DPYS: variants seen among roughly 807,000 people sequenced by gnomAD.
DPYS encodes the protein dihydropyrimidine amidohydrolase.
In DPYS, 39 loss-of-function variants were observed where a neutral mutation model predicts 50.3. The ratio of observed to expected loss-of-function variants is 0.78; its 90% CI spans 0.60 to 1.01. DPYS has a LOEUF of 1.01. DPYS is among the 50% of genes least tolerant of loss of function. The pLI is 0.00. For missense variants in DPYS, 659 were observed against 680.9 expected (o/e 0.97, Z 0.36); for synonymous variants, 245 against 250.7 (o/e 0.98, Z 0.22).
chr8:104,385,315 T>C (rs1275859388), intron 8 of DPYS, among the ~76,000 whole-genome samples: 1 of 152,228 alleles, frequency 6.6e-6, no homozygotes, highest in African/African-American at 2.4e-5. Context: ...GGGAGATTTC[T>C]TGACTATAGG....
intron 6 of DPYS, among the ~76,000 whole-genome samples, chr8:104,425,795 C>A (rs934404853): frequency 2.0e-5 from 3 of 151,952 alleles, no homozygotes; most frequent in Non-Finnish European, 4.4e-5. Flanking sequence ...GGGGTTTATC[C>A]CTATTTATAT....
At chr8:104,390,889 A>G (rs1811365221) in intron 8 of DPYS, among the ~76,000 whole-genome samples, 1 of 152,138 alleles carries the variant, frequency 6.6e-6, no homozygotes, top group African/African-American at 2.4e-5. Flanking sequence ...TGCATTCAGT[A>G]AGCACTCACT....
intron 4 of DPYS, among the ~76,000 whole-genome samples, chr8:104,431,529 A>G (rs982067835): frequency 1.3e-5 from 2 of 151,984 alleles, no homozygotes; most frequent in Non-Finnish European, 2.9e-5. Flanking sequence ...GGCATTTTCA[A>G]AGGACTAAAA....
At chr8:104,426,642 A>G (rs971713731) in intron 6 of DPYS, among the ~76,000 whole-genome samples, 1 of 152,180 alleles carries the variant, frequency 6.6e-6, no homozygotes, top group Non-Finnish European at 1.5e-5. Flanking sequence ...CATTTGAGGG[A>G]GGCATCCTAG....
At chr8:104,408,818 G>GTT (rs548411409) in intron 7 of DPYS, among the ~76,000 whole-genome samples, 58 of 143,496 alleles carry the variant, frequency 4.0e-4, no homozygotes, top group East Asian at 8.2e-4. Flanking sequence ...TTTTTTGTTT[G>GTT]TTTTTTTTTT....
intron 8 of DPYS, among the ~76,000 whole-genome samples, chr8:104,384,948 C>T (rs56019143): frequency 0.066 from 10,018 of 152,244 alleles, 401 homozygotes; most frequent in African/African-American, 0.1. Flanking sequence ...TCTTCTCCTC[C>T]ACCTCTGAAG....
At chr8:104,440,294 C>CTTTTTTTTTTTTTTTTTTTTTTTT (rs1564105066) in intron 4 of DPYS, among the ~76,000 whole-genome samples, 2 of 152,068 alleles carry the variant, frequency 1.3e-5, no homozygotes, top group African/African-American at 4.8e-5. Flanking sequence ...AATTGGATCT[C>CTTTTTTTTTTTTTTTTTTTTTTTT]CTTTGTGCCT....
rs749500473 is a variant in DPYS, at chr8:104,424,387, A to G, written c.1095T>C (p.His365=). The G allele has an allele frequency of 1.2e-6, 2 of 1,613,530 alleles. No individual in the cohort carries two copies. Among genetic ancestry groups the G allele is most frequent in the African/African-American group, 2.7e-5 (2 of 74,938 alleles). ...RMSVIWEKGV[H]SGKMDENRFV... ...ATCTGTTTTCATCCATTTTACCACTATGCTGTAAAGCAATTCAAAGAATCA... is the reference window on the plus strand; with the variant it reads ...ATCTGTTTTCATCCATTTTACCACTGTGCTGTAAAGCAATTCAAAGAATCA... Residue 365 remains histidine, a splice_region_variant and synonymous_variant, in exon 7 of 10, where the codon CAT becomes CAC. Transcript: ENST00000351513.
intron 3 of DPYS, among the ~76,000 whole-genome samples, chr8:104,445,928 C>T (rs1813512672): frequency 6.6e-6 from 1 of 152,040 alleles, no homozygotes; most frequent in Non-Finnish European, 1.5e-5. Flanking sequence ...ACCTGTAGTC[C>T]CAGCTACTCG....
chr8:104,416,171 C>T (rs1485130564), intron 7 of DPYS, among the ~76,000 whole-genome samples: 1 of 152,226 alleles, frequency 6.6e-6, no homozygotes, highest in Non-Finnish European at 1.5e-5. Flanking sequence ...TCTCTTCACT[C>T]TATGGTACTG....
intron 8 of DPYS, among the ~76,000 whole-genome samples, chr8:104,386,166 C>T (rs1214730507): frequency 1.3e-5 from 2 of 152,178 alleles, no homozygotes; most frequent in Admixed American, 1.3e-4. Flanking sequence ...ATTATCATTA[C>T]ACTTTCATAA....
intron 4 of DPYS, among the ~76,000 whole-genome samples, chr8:104,443,979 T>G (rs571233357): frequency 6.6e-6 from 1 of 152,228 alleles, no homozygotes; most frequent in East Asian, 1.9e-4. Context: ...TGGGGGCATG[T>G]GGCTAAAGGA....
At position 104,404,429 on chromosome 8, in the gene DPYS, GA is replaced by G. The variant is rs769125115; in HGVS notation, c.1236-11439del. On this transcript the variant is annotated intron_variant, in intron 7 of 9. Coordinates refer to ENST00000351513, the MANE Select transcript of DPYS (RefSeq NM_001385.3). ...CTGCTCAAAACCATCAGTTGGTTTTGAATTGATGAAGCCACTTATGATCTAA... is the reference window on the plus strand; with the variant it reads ...CTGCTCAAAACCATCAGTTGGTTTTGATTGATGAAGCCACTTATGATCTAA... 3.9e-5 allele frequency among the ~76,000 whole-genome samples: 6 copies of G among 152,322 alleles called. No homozygotes were observed. The East Asian group carries it at 5.8e-4, about 15-fold the overall frequency.
chr8:104,444,406 G>A lies in DPYS; in HGVS notation c.635C>T (p.Thr212Ile), dbSNP rs1032297072. The change falls in exon 4 of 10, where the codon ACA becomes ATA. Residue 212 changes from threonine (T) to isoleucine (I), a missense_variant. Coordinates refer to ENST00000351513, the MANE Select transcript of DPYS (RefSeq NM_001385.3). ...GAKKMLALGI[T>I]GPEGHELCRP... Reference sequence around the variant, plus strand: ...GCACAGCTCGTGGCCCTCAGGGCCTGTTATCCCCAGAGCCAACATCTTCTT... The same window carrying A: ...GCACAGCTCGTGGCCCTCAGGGCCTATTATCCCCAGAGCCAACATCTTCTT... The A allele has an allele frequency of 2.5e-6, 4 of 1,614,222 alleles. No individual in the cohort carries two copies. The highest frequency in any genetic ancestry group is 1.7e-5 in the Admixed American group (1 of 60,028).
intron 1 of DPYS, among the ~76,000 whole-genome samples, chr8:104,455,198 G>T (rs2140750498): frequency 6.6e-6 from 1 of 152,290 alleles, no homozygotes; most frequent in Non-Finnish European, 1.5e-5. Flanking sequence ...CTCATAGCCA[G>T]CAAGGAGCAA....
intron 4 of DPYS, among the ~76,000 whole-genome samples, chr8:104,435,513 C>G (rs1375818388): frequency 6.6e-6 from 1 of 151,330 alleles, no homozygotes; most frequent in Non-Finnish European, 1.5e-5. Flanking sequence ...AAAGTAATGG[C>G]AAAAACCACA....
intron 4 of DPYS, among the ~76,000 whole-genome samples, chr8:104,436,134 T>C (rs745647173): frequency 1.3e-5 from 2 of 152,164 alleles, no homozygotes; most frequent in African/African-American, 2.4e-5. Flanking sequence ...CTATGCCCCA[T>C]GTGCATTCAC....
At chr8:104,392,164 AG>A (rs959521842) in intron 8 of DPYS, among the ~76,000 whole-genome samples, 17 of 152,224 alleles carry the variant, frequency 1.1e-4, no homozygotes, top group African/African-American at 3.4e-4. Context: ...CATTTTTTCA[AG>A]GGGCTGCTGC....
intron 6 of DPYS, among the ~76,000 whole-genome samples, chr8:104,427,636 A>G (rs2140637588): frequency 6.6e-6 from 1 of 152,128 alleles, no homozygotes; most frequent in East Asian, 1.9e-4. Context: ...GACGCACTGG[A>G]ATTCAAGAGC....
Sources: allele counts gnomAD v4.1 joint callset (sites outside exome capture counted in the v4.1 genomes callset), GRCh38; gene constraint gnomAD v4.1.1; transcripts MANE v1.5; gene names NCBI Gene and HGNC (gene_info 2026-07-23, HGNC 2026-07-21).